The following OXR1 variants were observed in gnomAD, a reference collection of about 807,000 sequenced individuals.
The protein encoded by OXR1 is oxidation resistance 1.
A neutral mutation model predicts 104.6 loss-of-function variants in OXR1; 41 were observed. That is an observed-to-expected ratio of 0.39 (90% confidence interval 0.31 to 0.51). The LOEUF is 0.51. Among genes scored for constraint, OXR1 ranks in the 20% least tolerant of loss-of-function variants. OXR1 has a pLI of 0.77. For missense variants in OXR1, 955 were observed against 1,031.9 expected (o/e 0.93, Z 1.02); for synonymous variants, 348 against 348.4 (o/e 1.00, Z 0.01).
chr8:106,739,161 A>G (rs1399336337), intron 12 of OXR1, among the ~76,000 whole-genome samples: 2 of 151,588 alleles, frequency 1.3e-5, no homozygotes, highest in Non-Finnish European at 2.9e-5. Context: ...CAAGGGCTTA[A>G]TTAAAGATGC....
In OXR1 at chr8:106,706,666, C is replaced by T; in HGVS notation, c.1145C>T (p.Thr382Ile). The change falls in exon 9 of 17, where the codon ACA (threonine) becomes ATA (isoleucine). Residue 382 changes from threonine to isoleucine, a missense_variant. By Grantham distance (89) the Thr-to-Ile change is moderately conservative. Around this residue, in one of 2 missense-constraint regions of OXR1, gnomAD observed 849 missense variants for 852.9 expected, o/e 1.00. Coordinates refer to ENST00000517566, the MANE Select transcript of OXR1 (RefSeq NM_001198533.2). Reference sequence around the variant, plus strand: ...AATCAGGCTGAAGTAGAAAGTCTGACAGTCAAATCAGAATCTACTGGTACT... The same window carrying T: ...AATCAGGCTGAAGTAGAAAGTCTGATAGTCAAATCAGAATCTACTGGTACT... ...TVNQAEVESL[T>I]VKSESTGTPG... The T allele has an allele frequency of 6.2e-7, 1 of 1,613,290 alleles. No homozygotes were observed. Among genetic ancestry groups the T allele is most frequent in the Non-Finnish European group, 8.5e-7 (1 of 1,179,650 alleles).
chr8:106,450,374 C>G (rs1050510113), intron 2 of OXR1, among the ~76,000 whole-genome samples: 3 of 151,990 alleles, frequency 2.0e-5, no homozygotes, highest in Non-Finnish European at 4.4e-5. Context: ...AGTTTAGATT[C>G]TTTGTAGCAA....
chr8:106,657,948 C>T (rs1825302720), intron 3 of OXR1: 4 of 1,247,998 alleles, frequency 3.2e-6, no homozygotes, highest in East Asian at 6.3e-5. Flanking sequence ...AAACCGTCGA[C>T]CTCCTGGGCC....
At position 106,694,610 on chromosome 8, in the gene OXR1, GTTTATATATATTTGATATATAAA is replaced by G. The variant is rs1366942027; in HGVS notation, c.675+1735_675+1757del. Among the ~76,000 whole-genome samples the G allele has an allele frequency of 8.4e-5, 9 of 106,760 alleles. No individual in the cohort carries two copies. In the South Asian group the frequency reaches 2.2e-3, roughly 26 times the overall value. The allele number at this position is 106,760 out of a possible 152,430, so 70.0% of individuals were successfully genotyped here. A position where few individuals can be genotyped will look rare whatever the true frequency, so the allele number is the denominator to read the frequency against. Reference sequence around the variant, plus strand: ...ATATATATTTGATATATAAATATATGTTTATATATATTTGATATATAAATATATGTTTATATATATTTGATATA... The same window carrying G: ...ATATATATTTGATATATAAATATATGTATATGTTTATATATATTTGATATA... On this transcript the variant is annotated intron_variant, in intron 7 of 16. Coordinates refer to ENST00000517566, the MANE Select transcript of OXR1 (RefSeq NM_001198533.2).
chr8:106,354,254 A>G (rs114644530), intron 1 of OXR1, among the ~76,000 whole-genome samples: 1,890 of 152,264 alleles, frequency 0.012, 34 homozygotes, highest in African/African-American at 0.041. Context: ...TTTAGATTTT[A>G]TGTGAAAATA....
chr8:106,386,837 G>C (rs1817390960), intron 2 of OXR1, among the ~76,000 whole-genome samples: 1 of 152,198 alleles, frequency 6.6e-6, no homozygotes, highest in South Asian at 2.1e-4. Context: ...CTAAGAAAGA[G>C]CTAAGGAGAT....
At chr8:106,508,701 A>G (rs948627353) in intron 2 of OXR1, among the ~76,000 whole-genome samples, 1 of 152,236 alleles carries the variant, frequency 6.6e-6, no homozygotes, top group African/African-American at 2.4e-5. Flanking sequence ...TCAAGAAACA[A>G]TGGGTTACCC....
chr8:106,605,518 A>G (rs1387767417), intron 3 of OXR1, among the ~76,000 whole-genome samples: 4 of 151,866 alleles, frequency 2.6e-5, no homozygotes, highest in African/African-American at 9.7e-5. Flanking sequence ...ATCTGGGCCT[A>G]GCATGGTGGC....
rs969210046 is a variant in OXR1, at chr8:106,455,052, A to G, written c.24-63891A>G. 5.3e-5 allele frequency among the ~76,000 whole-genome samples: 8 copies of G among 152,306 alleles called. No homozygotes were observed. In the East Asian group the frequency reaches 1.4e-3, roughly 26 times the overall value. ...AGCTATTATTTGATAAAACTTGATT[A>G]AATATGGTTTGATATATTTCCTTCC... On this transcript the variant is annotated intron_variant, in intron 2 of 16. Transcript: ENST00000517566.
intron 2 of OXR1, among the ~76,000 whole-genome samples, chr8:106,499,935 C>T (rs1223092949): frequency 6.6e-6 from 1 of 152,174 alleles, no homozygotes; most frequent in Admixed American, 6.5e-5. Flanking sequence ...TTTCTGTGGC[C>T]TGTGACGCTG....
chr8:106,471,367 C>CT (rs1429196736), intron 2 of OXR1, among the ~76,000 whole-genome samples: 1 of 151,592 alleles, frequency 6.6e-6, no homozygotes, highest in African/African-American at 2.4e-5. Flanking sequence ...GCTCAAAAAC[C>CT]TTTTGTAGCA....
chr8:106,661,250 T>C (rs1343749858), intron 3 of OXR1, among the ~76,000 whole-genome samples: 1 of 152,178 alleles, frequency 6.6e-6, no homozygotes, highest in Non-Finnish European at 1.5e-5. Context: ...AAGAAACCAC[T>C]TACTGAACTG....
chr8:106,429,653 C>T lies in OXR1; in HGVS notation c.23+70017C>T, dbSNP rs376928060. 7.1e-5 allele frequency among the ~76,000 whole-genome samples: 9 copies of T among 127,122 alleles called. No individual in the cohort carries two copies. The East Asian group carries it at 1.6e-3, about 23-fold the overall frequency. 83.4% of individuals were successfully genotyped at this position (127,122 alleles called of 152,430 possible). The stretch of plus-strand genomic sequence containing the variant: ...CCAGCCTGGGCGACAGAGCAAGACT[C>T]TGTCTCAAAAAAAAAAAAAAAAATG... On this transcript the variant is annotated intron_variant, in intron 2 of 16. Coordinates refer to ENST00000517566, the MANE Select transcript of OXR1 (RefSeq NM_001198533.2).
intron 2 of OXR1, among the ~76,000 whole-genome samples, chr8:106,475,778 C>T (rs1443108780): frequency 1.3e-5 from 2 of 151,966 alleles, no homozygotes; most frequent in African/African-American, 2.4e-5. Flanking sequence ...GGCACTGGTT[C>T]GAAAGCACTC....
intron 2 of OXR1, among the ~76,000 whole-genome samples, chr8:106,494,774 C>G (rs907408978): frequency 3.9e-5 from 6 of 152,184 alleles, no homozygotes; most frequent in African/African-American, 1.4e-4. Context: ...GACAGCAGAG[C>G]TGCTGGTCTG....
chr8:106,312,002 C>G (rs961405785), intron 1 of OXR1, among the ~76,000 whole-genome samples: 2 of 151,828 alleles, frequency 1.3e-5, no homozygotes, highest in Non-Finnish European at 2.9e-5. Flanking sequence ...CACCTACACC[C>G]CCACCCCCCT....
intron 2 of OXR1, among the ~76,000 whole-genome samples, chr8:106,362,537 T>G (rs2130348313): frequency 6.6e-6 from 1 of 152,288 alleles, no homozygotes; most frequent in Middle Eastern, 3.4e-3. Context: ...AGCCATTTCA[T>G]GTAAAATCTA....
chr8:106,716,630 CAAAAAAAAA>C (rs760744812), intron 11 of OXR1, among the ~76,000 whole-genome samples: 1 of 71,370 alleles, frequency 1.4e-5, no homozygotes, highest in Non-Finnish European at 3.1e-5. Flanking sequence ...GACTCCGTCT[CAAAAAAAAA>C]AAAAAAAAAA....
chr8:106,667,376 T>C (rs1826450779), intron 3 of OXR1, among the ~76,000 whole-genome samples: 1 of 152,220 alleles, frequency 6.6e-6, no homozygotes, highest in Non-Finnish European at 1.5e-5. Flanking sequence ...ATTATTTATT[T>C]ATTTTTCTTT....
Sources: gnomAD v4.1 joint callset for allele counts (sites outside exome capture counted in the v4.1 genomes callset) on GRCh38, gnomAD v4.1.1 for gene constraint, gnomAD v4.1.1 regional missense constraint, MANE v1.5 for transcripts, NCBI Gene and HGNC (gene_info 2026-07-23, HGNC 2026-07-21) for gene names.